RPS6KA4: variants seen among roughly 807,000 people sequenced by gnomAD.
RPS6KA4 encodes ribosomal protein S6 kinase A4, also known as ribosomal protein S6 kinase alpha-4.
Under a neutral mutation model 89.6 loss-of-function variants are expected in RPS6KA4, and 38 were observed. The ratio of observed to expected loss-of-function variants is 0.42; its 90% CI spans 0.33 to 0.56. The LOEUF is 0.56. Among genes scored for constraint, RPS6KA4 ranks in the 20% least tolerant of loss-of-function variants. The pLI, the probability that RPS6KA4 is intolerant of heterozygous loss-of-function variation, is 0.07. For synonymous variants in RPS6KA4, 495 were observed against 492.8 expected, an observed-to-expected ratio of 1.00 and a Z score of -0.06; for missense variants, 873 against 1,098.8, an observed-to-expected ratio of 0.79 and a Z score of 2.90.
chr11:64,371,587 T>C lies in RPS6KA4; in HGVS notation c.*107T>C. On this transcript the variant is annotated 3_prime_UTR_variant, in exon 17 of 17. Transcript: ENST00000334205. ...TGACCTGATCCCCAAGGGACTGTCC[T>C]TTCCTCTCCTACCCCACCCCACTCC... 1.7e-6 allele frequency: 1 copy of C among 588,628 alleles called. No homozygotes were observed. Among genetic ancestry groups the C allele is most frequent in the East Asian group, 2.9e-5 (1 of 35,086 alleles). The allele number at this position is 588,628 out of a possible 1,614,324, so 36.5% of individuals were successfully genotyped here.
Position 64,359,422 on chromosome 11 carries a change from G to A in RPS6KA4, c.100G>A (p.Glu34Lys). ...HEEKVSVENF[E>K]LLKVLGTGAY... ...GGAGAAGGTGAGCGTGGAGAACTTC[G>A]AGCTGCTCAAGGTGCTGGGCACGGG... The change falls in exon 2 of 17, where the codon GAG becomes AAG. Residue 34 changes from glutamate (E) to lysine (K), a missense_variant. Around this residue, in one of 4 missense-constraint regions of RPS6KA4, gnomAD observed 49 missense variants for 51.9 expected, o/e 0.94. Coordinates refer to ENST00000334205, the MANE Select transcript of RPS6KA4 (RefSeq NM_003942.3). 1 of 1,613,722 alleles carries A rather than the reference G, an allele frequency of 6.2e-7. No homozygotes were observed.
intron 16 of RPS6KA4, 46 bp from the exon 17 acceptor site, chr11:64,371,237 C>G: frequency 6.3e-7 from 1 of 1,578,672 alleles, no homozygotes; most frequent in Non-Finnish European, 8.7e-7. Context: ...ATCTGGAAGC[C>G]GGGGTCAGGC....
rs1248196134 is a variant in RPS6KA4 at position 64,359,198 on chromosome 11, G to A, written c.-38G>A. The A allele has an allele frequency of 9.4e-6, 12 of 1,275,314 alleles. No individual in the cohort carries two copies. Among genetic ancestry groups the A allele is most frequent in the African/African-American group, 1.5e-5 (1 of 64,574 alleles). The allele number at this position is 1,275,314 out of a possible 1,614,324, so 79.0% of individuals were successfully genotyped here. On this transcript the variant is annotated 5_prime_UTR_variant, in exon 1 of 17. Coordinates refer to ENST00000334205, the MANE Select transcript of RPS6KA4 (RefSeq NM_003942.3). ...AGCCGCCATGTAACCGGCGCCGCCCGGAGCCCGAGCCGCGCGGGCCCCAGC... is the reference window on the plus strand; with the variant it reads ...AGCCGCCATGTAACCGGCGCCGCCCAGAGCCCGAGCCGCGCGGGCCCCAGC...
chr11:64,361,150 G>A lies in RPS6KA4; in HGVS notation c.479G>A (p.Arg160Gln), dbSNP rs2036735852. The A allele has an allele frequency of 1.2e-6, 2 of 1,613,096 alleles. No individual in the cohort carries two copies. Among genetic ancestry groups the A allele is most frequent in the African/African-American group, 1.3e-5 (1 of 74,902 alleles). ...EHLHKLGIIY[R>Q]DLKLENVLLD... is the part of the protein sequence containing the mutation. ...TCCTACCAGCTCGGCATCATTTACC[G>A]AGACCTGAAACTGGAGAATGTGCTG... is the stretch of plus-strand genomic sequence containing the variant. The change falls in exon 5 of 17, where the codon CGA becomes CAA. Residue 160 changes from arginine (R) to glutamine (Q), a missense_variant. Around this residue, in one of 4 missense-constraint regions of RPS6KA4, gnomAD observed 542 missense variants for 736.4 expected, o/e 0.74. Coordinates refer to ENST00000334205, the MANE Select transcript of RPS6KA4 (RefSeq NM_003942.3). This position sits in a 1 kb window ranked among gnomAD's most constrained non-coding sequence, Gnocchi z 4.7.
Position 64,361,369 on chromosome 11 carries a change from C to G in RPS6KA4, c.571-100C>G. On this transcript the variant is annotated intron_variant, in intron 5 of 16. Coordinates refer to ENST00000334205, the MANE Select transcript of RPS6KA4 (RefSeq NM_003942.3). This position sits in a 1 kb window ranked among gnomAD's most constrained non-coding sequence, Gnocchi z 4.7. ...TCCAAGAAGTTTCCACAGCTCAGCT[C>G]TCCAACCTCACAAGTTGAGCGAGTC... is the stretch of plus-strand genomic sequence containing the variant. 1 of 1,497,036 alleles carries G rather than the reference C, an allele frequency of 6.7e-7. No homozygotes were observed. The highest frequency in any genetic ancestry group is 9.2e-7 in the Non-Finnish European group (1 of 1,082,666). 92.7% of individuals were successfully genotyped at this position (1,497,036 alleles called of 1,614,324 possible).
In RPS6KA4 at chr11:64,360,596, G is replaced by T; in HGVS notation, c.462+4G>T. On this transcript the variant is annotated splice_donor_region_variant and intron_variant, in intron 4 of 16. Coordinates refer to ENST00000334205, the MANE Select transcript of RPS6KA4 (RefSeq NM_003942.3). ...GGCCCTGGAACACCTGCACAAGGTG[G>T]GTGAAGACCTGGCCGCAGGCTGTTG... The T allele has an allele frequency of 6.3e-7, 1 of 1,596,164 alleles. No individual in the cohort carries two copies. Among genetic ancestry groups the T allele is most frequent in the African/African-American group, 1.3e-5 (1 of 74,554 alleles).
chr11:64,359,843 TTGCACTGGCA>T, intron 2 of RPS6KA4: 1 of 540,456 alleles, frequency 1.9e-6, no homozygotes, highest in Non-Finnish European at 3.3e-6. Flanking sequence ...CCTCCCTTCC[TTGCACTGGCA>T]TCTTTTCACA....
chr11:64,365,358 A>C lies in RPS6KA4; in HGVS notation c.964A>C (p.Ile322Leu). The change falls in exon 9 of 17, where the codon ATC becomes CTC. Residue 322 changes from isoleucine (I) to leucine (L), a missense_variant. Coordinates refer to ENST00000334205, the MANE Select transcript of RPS6KA4 (RefSeq NM_003942.3). ...RKIPAPFRPQ[I>L]RSELDVGNFA... ...GATTCCAGCCCCATTCCGGCCCCAAATCCGCTCAGAGCTGGATGTGGGCAA... is the reference window on the plus strand; with the variant it reads ...GATTCCAGCCCCATTCCGGCCCCAACTCCGCTCAGAGCTGGATGTGGGCAA... 4 of 1,613,972 alleles carry C rather than the reference A, an allele frequency of 2.5e-6. No individual in the cohort carries two copies. The highest frequency in any genetic ancestry group is 3.4e-6 in the Non-Finnish European group (4 of 1,179,970).
chr11:64,369,980 G>A, intron 14 of RPS6KA4, 87 bp downstream of exon 14: 3 of 1,347,204 alleles, frequency 2.2e-6, no homozygotes, highest in South Asian at 3.1e-5. Flanking sequence ...AGGGGACAGG[G>A]GTCATCTTGG....
intron 2 of RPS6KA4, chr11:64,359,872 A>C: frequency 1.8e-6 from 1 of 551,612 alleles, no homozygotes; most frequent in South Asian, 2.3e-5. Context: ...CATCCATCTG[A>C]TCTCTCGCAG....
chr11:64,360,448 T>C (rs764659273), intron 3 of RPS6KA4, 29 bp from the exon 4 acceptor site: 7 of 1,601,380 alleles, frequency 4.4e-6, no homozygotes, highest in African/African-American at 1.3e-5. Flanking sequence ...CTGACGGGGC[T>C]GCTTCCTGAC....
At position 64,362,021 on chromosome 11, in the gene RPS6KA4, C is replaced by A; in HGVS notation, c.906+19C>A. 1 of 1,601,582 alleles carries A rather than the reference C, an allele frequency of 6.2e-7. No individual in the cohort carries two copies. Among genetic ancestry groups the A allele is most frequent in the Non-Finnish European group, 8.5e-7 (1 of 1,176,210 alleles). The stretch of plus-strand genomic sequence containing the variant: ...CTTCCAGGTGAGGCTGACTCAGGGC[C>A]CCATACCTCCTGGTGCATACCCAGG... On this transcript the variant is annotated intron_variant, in intron 8 of 16. Transcript: ENST00000334205.
In RPS6KA4 at chr11:64,369,660, C is replaced by G. The variant is rs911466514; in HGVS notation, c.1603-39C>G. 101 of 1,599,874 alleles carry G rather than the reference C, an allele frequency of 6.3e-5. 3 individuals are homozygous for G. The South Asian group carries it at 1.1e-3, about 17-fold the overall frequency. On this transcript the variant is annotated intron_variant, in intron 13 of 16. Coordinates refer to ENST00000334205, the MANE Select transcript of RPS6KA4 (RefSeq NM_003942.3). ...CGGCGGCGGGGCGGAGCGGTGGCGC[C>G]GGGGGCTGCCTCTGACCACTACCCC...
In RPS6KA4 at chr11:64,369,726, G is replaced by T; in HGVS notation, c.1630G>T (p.Gly544Trp). ...CATCCTGTACGCCGACGACACGCCC[G>T]GGGCCCCGGTGAAAATCATCGACTT... is the stretch of plus-strand genomic sequence containing the variant. ...ENILYADDTP[G>W]APVKIIDFGF... The change falls in exon 14 of 17, where the codon GGG becomes TGG. Residue 544 changes from glycine to tryptophan, a missense_variant. Physicochemically the swap from Gly to Trp is radical, Grantham distance 184. Coordinates refer to ENST00000334205, the MANE Select transcript of RPS6KA4 (RefSeq NM_003942.3). The T allele has an allele frequency of 1.2e-6, 2 of 1,610,608 alleles. No individual in the cohort carries two copies. The highest frequency in any genetic ancestry group is 1.7e-6 in the Non-Finnish European group (2 of 1,178,612).
intron 9 of RPS6KA4, among the ~76,000 whole-genome samples, chr11:64,367,736 G>A (rs1025342213): frequency 3.9e-5 from 6 of 152,232 alleles, no homozygotes; most frequent in African/African-American, 1.4e-4. Flanking sequence ...TGCAGAAGAA[G>A]CCAAAGTCCG....
In RPS6KA4 at chr11:64,361,762, G is replaced by C; in HGVS notation, c.755+17G>C. On this transcript the variant is annotated intron_variant, in intron 7 of 16. Transcript: ENST00000334205. This position sits in a 1 kb window ranked among gnomAD's most constrained non-coding sequence, Gnocchi z 4.7. Reference sequence around the variant, plus strand: ...GGTGTCTCGGTGAGTAGGGCTGGACGTGGAGGGCGGCCAGAGGGCTGCAGG... The same window carrying C: ...GGTGTCTCGGTGAGTAGGGCTGGACCTGGAGGGCGGCCAGAGGGCTGCAGG... The C allele has an allele frequency of 6.3e-7, 1 of 1,592,462 alleles. No homozygotes were observed. The highest frequency in any genetic ancestry group is 8.5e-7 in the Non-Finnish European group (1 of 1,171,190).
In RPS6KA4 at chr11:64,369,429, C is replaced by A; in HGVS notation, c.1429-17C>A. On this transcript the variant is annotated splice_polypyrimidine_tract_variant and intron_variant, in intron 12 of 16. Transcript: ENST00000334205. ...CCGTGGGTGGGTGTTGACCTTGGCC[C>A]GCCACGCCGCCCGCAGCTGCACACG... 1 of 1,573,768 alleles carries A rather than the reference C, an allele frequency of 6.4e-7. No individual in the cohort carries two copies. The highest frequency in any genetic ancestry group is 8.6e-7 in the Non-Finnish European group (1 of 1,162,968).
intron 2 of RPS6KA4, chr11:64,359,929 A>G: frequency 3.5e-6 from 2 of 568,606 alleles, no homozygotes. Flanking sequence ...CCCCCTGGAG[A>G]TGCATGCTCC....
rs764308310 is a variant in RPS6KA4, at chr11:64,360,404, C to T, written c.346+23C>T. 12 of 1,558,638 alleles carry T rather than the reference C, an allele frequency of 7.7e-6. No homozygotes were observed. The African/African-American group carries it at 1.1e-4, about 14-fold the overall frequency. ...TGGGTGAGCGCACACCACATCCCAA[C>T]GGGGTTGGGGTGGCTGGGGGCAGGC... is the stretch of plus-strand genomic sequence containing the variant. On this transcript the variant is annotated intron_variant, in intron 3 of 16. Transcript: ENST00000334205.
Sources: allele counts gnomAD v4.1 joint callset (sites outside exome capture counted in the v4.1 genomes callset), GRCh38; gene constraint gnomAD v4.1.1; regional missense constraint gnomAD v4.1.1; non-coding constraint Gnocchi (gnomAD v3.1); transcripts MANE v1.5; gene names NCBI Gene and HGNC (gene_info 2026-07-23, HGNC 2026-07-21).